The following HMGCL variants were observed in gnomAD, a reference collection of about 807,000 sequenced individuals.
The protein encoded by HMGCL is hydroxymethylglutaryl-CoA lyase, mitochondrial.
A neutral mutation model predicts 37.3 loss-of-function variants in HMGCL; 26 were observed. That is an observed-to-expected ratio of 0.70 (90% CI 0.51 to 0.97). The LOEUF (loss-of-function observed/expected upper bound fraction) is 0.97. HMGCL is among the 50% of genes least tolerant of loss of function. The pLI is 0.00. For missense variants in HMGCL, 379 were observed against 398.1 expected, an observed-to-expected ratio of 0.95 and a Z score of 0.41; for synonymous variants, 151 against 148.0, an observed-to-expected ratio of 1.02 and a Z score of -0.15.
intron 5 of HMGCL, 22 bp from the exon 6 acceptor site, chr1:23,810,821 A>G: frequency 6.2e-7 from 1 of 1,608,228 alleles, no homozygotes; most frequent in Non-Finnish European, 8.5e-7. Context: ...CAGGGGAGGA[A>G]TGAGGTCAGT....
At chr1:23,810,592 C>T in intron 6 of HMGCL, 144 bp downstream of exon 6, 1 of 729,892 alleles carries the variant, frequency 1.4e-6, no homozygotes, top group Non-Finnish European at 2.5e-6. Context: ...GGGCTGTGCT[C>T]ACAGCAGGAG....
chr1:23,805,672 C>G (rs973408585), intron 7 of HMGCL, among the ~76,000 whole-genome samples: 2 of 152,138 alleles, frequency 1.3e-5, no homozygotes, highest in African/African-American at 4.8e-5. Flanking sequence ...TCTTTGCTGG[C>G]TCTTCCTCAC....
intron 2 of HMGCL, among the ~76,000 whole-genome samples, chr1:23,818,108 C>T (rs1372513449): frequency 3.9e-5 from 6 of 152,176 alleles, no homozygotes; most frequent in East Asian, 1.9e-4. Context: ...CATTCTCTTG[C>T]ATCAAAAGCT....
rs150263510 is a variant in HMGCL, at chr1:23,808,562, C to T, written c.562-239G>A. On this transcript the variant is annotated intron_variant, in intron 6 of 8. Transcript: ENST00000374490. ...GAGCCAGCCCACAGTCCTGAAGCTC[C>T]AACCCCCGTGCTTTCCTCCCTACCT... Among the ~76,000 whole-genome samples the T allele has an allele frequency of 6.8e-3, 1,039 of 152,298 alleles. 18 individuals are homozygous for T. Among genetic ancestry groups the T allele is most frequent in the African/African-American group, 0.023 (975 of 41,562 alleles).
At chr1:23,809,184 T>A (rs904938856) in intron 6 of HMGCL, 9 of 142,538 alleles carry the variant, frequency 6.3e-5, no homozygotes, top group African/African-American at 2.1e-4. Context: ...GGGATTACAG[T>A]CATGAGCCAC....
chr1:23,820,949 G>A (rs576022496), intron 1 of HMGCL, among the ~76,000 whole-genome samples: 1 of 152,280 alleles, frequency 6.6e-6, no homozygotes, highest in South Asian at 2.1e-4. Flanking sequence ...CTCTGTCAAA[G>A]GCATCGCATG....
At chr1:23,804,886 C>T (rs1311371880) in intron 7 of HMGCL, among the ~76,000 whole-genome samples, 2 of 123,400 alleles carry the variant, frequency 1.6e-5, no homozygotes, top group Non-Finnish European at 3.5e-5. Context: ...ACCCCCCCCC[C>T]ACTTACCCCC....
At chr1:23,809,395 C>A (rs941234828) in intron 6 of HMGCL, 1 of 151,354 alleles carries the variant, frequency 6.6e-6, no homozygotes, top group African/African-American at 2.4e-5. Context: ...CCCACCACCA[C>A]CCCCGGCTAA....
At chr1:23,807,991 G>GC in intron 7 of HMGCL, 144 bp downstream of exon 7, 1 of 717,810 alleles carries the variant, frequency 1.4e-6, no homozygotes, top group South Asian at 1.7e-5. Flanking sequence ...TCACATCTGG[G>GC]CAGGGTCACC....
chr1:23,816,668 C>T lies in HMGCL; in HGVS notation c.348+7G>A, dbSNP rs746088233. On this transcript the variant is annotated splice_region_variant and intron_variant, in intron 4 of 8. Transcript: ENST00000374490. Reference sequence around the variant, plus strand: ...CAGGAGCCCCCACCAACAAGCTATCCTCTTACCGCTGCCTCGAAGCCTTTC... The same window carrying T: ...CAGGAGCCCCCACCAACAAGCTATCTTCTTACCGCTGCCTCGAAGCCTTTC... 2.5e-6 allele frequency: 4 copies of T among 1,571,154 alleles called. No individual in the cohort carries two copies. Among genetic ancestry groups the T allele is most frequent in the Admixed American group, 1.7e-5 (1 of 59,962 alleles).
At chr1:23,824,398 T>C (rs1638778711) in intron 1 of HMGCL, among the ~76,000 whole-genome samples, 1 of 152,220 alleles carries the variant, frequency 6.6e-6, no homozygotes, top group Admixed American at 6.5e-5. Context: ...CTTAAAAGCT[T>C]ATTAATATCT....
intron 2 of HMGCL, 132 bp downstream of exon 2, chr1:23,820,378 T>C (rs901599341): frequency 2.7e-6 from 2 of 740,398 alleles, no homozygotes; most frequent in Non-Finnish European, 4.9e-6. Flanking sequence ...TTTGGCCTCC[T>C]CTACTCTCCC....
At chr1:23,813,184 T>C (rs957303130) in intron 5 of HMGCL, among the ~76,000 whole-genome samples, 5 of 148,760 alleles carry the variant, frequency 3.4e-5, no homozygotes, top group Non-Finnish European at 7.5e-5. Context: ...GCCACCATGT[T>C]CAGCCCAGAT....
chr1:23,808,750 T>C (rs1170222278), intron 6 of HMGCL, among the ~76,000 whole-genome samples: 2 of 148,556 alleles, frequency 1.3e-5, no homozygotes, highest in Non-Finnish European at 3.0e-5. Flanking sequence ...TTCTTTTTTT[T>C]TTTTTTTTTT....
intron 2 of HMGCL, among the ~76,000 whole-genome samples, chr1:23,818,655 G>A (rs931693838): frequency 6.6e-6 from 1 of 151,686 alleles, no homozygotes; most frequent in Non-Finnish European, 1.5e-5. Context: ...GGGTTCAAGC[G>A]ATTCTCCTGC....
intron 6 of HMGCL, chr1:23,809,361 C>A (rs1267922291): frequency 6.6e-6 from 1 of 151,212 alleles, no homozygotes; most frequent in Non-Finnish European, 1.5e-5. Flanking sequence ...TTCTCAGCCT[C>A]CCGAGTAGCT....
At chr1:23,821,127 G>C (rs754167127) in intron 1 of HMGCL, among the ~76,000 whole-genome samples, 1 of 150,420 alleles carries the variant, frequency 6.6e-6, no homozygotes, top group South Asian at 2.1e-4. Context: ...AGGCCGAAGC[G>C]GGCGATCACT....
chr1:23,806,269 G>A lies in HMGCL; in HGVS notation c.751-1744C>T, dbSNP rs1036490726. The stretch of plus-strand genomic sequence containing the variant: ...TGCCCAGCCGAGGAGCCTCTCAAAC[G>A]GAACATTTCAGATCATCTCCCTCCC... On this transcript the variant is annotated intron_variant, in intron 7 of 8. Coordinates refer to ENST00000374490, the MANE Select transcript of HMGCL (RefSeq NM_000191.3). The surrounding 1 kb of genome is among the most constrained non-coding windows in gnomAD (Gnocchi z 4.0). Among the ~76,000 whole-genome samples the A allele has an allele frequency of 7.9e-5, 12 of 152,180 alleles. No homozygotes were observed. Among genetic ancestry groups the A allele is most frequent in the African/African-American group, 1.2e-4 (5 of 41,516 alleles).
At chr1:23,822,246 G>T (rs572575643) in intron 1 of HMGCL, among the ~76,000 whole-genome samples, 18 of 152,218 alleles carry the variant, frequency 1.2e-4, no homozygotes, top group African/African-American at 4.3e-4. Flanking sequence ...ATGCAGGAGG[G>T]CTCTCTTCTG....
Sources: allele counts gnomAD v4.1 joint callset (sites outside exome capture counted in the v4.1 genomes callset), GRCh38; gene constraint gnomAD v4.1.1; non-coding constraint Gnocchi (gnomAD v3.1); transcripts MANE v1.5; gene names NCBI Gene and HGNC (gene_info 2026-07-23, HGNC 2026-07-21).